Variants in FUT8 observed in about 807,000 individuals in gnomAD.
FUT8 encodes fucosyltransferase 8.
A neutral mutation model predicts 71.3 loss-of-function variants in FUT8; 29 were observed. The ratio of observed to expected loss-of-function variants is 0.41; its 90% confidence interval spans 0.30 to 0.55. FUT8 has a LOEUF of 0.55. Among genes scored for constraint, FUT8 ranks in the 20% least tolerant of loss-of-function variants. The pLI, the probability that FUT8 is intolerant of heterozygous loss-of-function variation, is 0.34. For synonymous variants in FUT8, 254 were observed against 239.3 expected (o/e 1.06, Z -0.57); for missense variants, 544 against 702.1 (o/e 0.77, Z 2.55).
intron 3 of FUT8, among the ~76,000 whole-genome samples, chr14:65,568,531 A>G (rs1021581713): frequency 2.7e-5 from 4 of 150,528 alleles, no homozygotes; most frequent in Non-Finnish European, 4.4e-5. Context: ...TTTTTTTTCT[A>G]TGACCCATAG....
chr14:65,411,976 T>C (rs1174639295), upstream of FUT8: 3 of 455,288 alleles, frequency 6.6e-6, no homozygotes, highest in Non-Finnish European at 1.3e-5. Context: ...GCGCCGGGAA[T>C]TTTCCGAGTC....
In FUT8 at chr14:65,532,391, A is replaced by G. The variant is rs567282388; in HGVS notation, c.-227-28946A>G. Among the ~76,000 whole-genome samples the G allele has an allele frequency of 2.0e-5, 3 of 152,030 alleles. No homozygotes were observed. The East Asian group carries it at 5.8e-4, about 29-fold the overall frequency. ...TGATTAGTGATGTTGAGTGTTGATCAATGTTGGGCTTTTTTTCATATACTT... is the reference window on the plus strand; with the variant it reads ...TGATTAGTGATGTTGAGTGTTGATCGATGTTGGGCTTTTTTTCATATACTT... On this transcript the variant is annotated intron_variant, in intron 2 of 10. Coordinates refer to ENST00000673929, the MANE Select transcript of FUT8 (RefSeq NM_001371533.1).
intron 2 of FUT8, among the ~76,000 whole-genome samples, chr14:65,520,496 A>C (rs1387207127): frequency 3.3e-5 from 5 of 152,158 alleles, no homozygotes; most frequent in Non-Finnish European, 7.4e-5. Flanking sequence ...CTATTTTCTT[A>C]ATTTATTTCA....
Position 65,633,009 on chromosome 14 carries a change from C to CG in FUT8, c.597+3403_597+3404insG, listed in dbSNP as rs1318008407. The stretch of plus-strand genomic sequence containing the variant: ...CTCCCCTCTCCCCTCTCCCCTCCCC[C>CG]CCCCCGTCTCCCCAGGGTCTCCCTC... On this transcript the variant is annotated intron_variant, in intron 6 of 10. Transcript: ENST00000673929. Among the ~76,000 whole-genome samples the CG allele has an allele frequency of 2.7e-5, 4 of 145,878 alleles. No individual in the cohort carries two copies. The South Asian group carries it at 8.9e-4, about 32-fold the overall frequency.
intron 2 of FUT8, among the ~76,000 whole-genome samples, chr14:65,485,476 G>C (rs1186615637): frequency 1.3e-5 from 2 of 152,180 alleles, no homozygotes; most frequent in East Asian, 3.8e-4. Flanking sequence ...ACTGAGGCAA[G>C]ACCTTCTTAA....
At chr14:65,572,724 G>A (rs1172665582) in intron 3 of FUT8, among the ~76,000 whole-genome samples, 2 of 152,138 alleles carry the variant, frequency 1.3e-5, no homozygotes, top group African/African-American at 4.8e-5. Flanking sequence ...GGGTCATTCT[G>A]TAGTGATAAA....
intron 1 of FUT8, among the ~76,000 whole-genome samples, chr14:65,451,088 C>T (rs1334029230): frequency 6.6e-6 from 1 of 152,100 alleles, no homozygotes; most frequent in Non-Finnish European, 1.5e-5. Flanking sequence ...GATCTCCTGA[C>T]CTCGTGATCC....
At chr14:65,506,737 A>C (rs1014404569) in intron 2 of FUT8, among the ~76,000 whole-genome samples, 2 of 152,226 alleles carry the variant, frequency 1.3e-5, no homozygotes, top group African/African-American at 4.8e-5. Flanking sequence ...ATCATGGACA[A>C]TGCAGTATCC....
chr14:65,444,264 A>G (rs1320798564), intron 1 of FUT8, among the ~76,000 whole-genome samples: 2 of 152,246 alleles, frequency 1.3e-5, no homozygotes, highest in Non-Finnish European at 2.9e-5. Flanking sequence ...CTTACCTATT[A>G]GAAAAGCAAA....
intron 3 of FUT8, among the ~76,000 whole-genome samples, chr14:65,569,376 C>T (rs1197622337): frequency 6.6e-6 from 1 of 151,606 alleles, no homozygotes. Flanking sequence ...TATGGTATCT[C>T]ACATGGCTTT....
rs370341730 is a variant in FUT8 at position 65,721,835 on chromosome 14, C to A, written c.896C>A (p.Pro299His). Residue 299 changes from proline (P) to histidine (H), a missense_variant, in exon 8 of 11, where the codon CCC becomes CAC. Physicochemically the swap from Pro to His is moderately conservative, Grantham distance 77 (BLOSUM62 -2). Coordinates refer to ENST00000673929, the MANE Select transcript of FUT8 (RefSeq NM_001371533.1). ...CTTCCCATTGTAGACAGTCTTCATCCCCGTCCTCCATATTTACCCTTGGCT... is the reference window on the plus strand; with the variant it reads ...CTTCCCATTGTAGACAGTCTTCATCACCGTCCTCCATATTTACCCTTGGCT... ...VELPIVDSLH[P>H]RPPYLPLAVP... 5 of 1,614,056 alleles carry A rather than the reference C, an allele frequency of 3.1e-6. No homozygotes were observed. The South Asian group carries it at 5.5e-5, about 18-fold the overall frequency.
chr14:65,392,207 C>T, the FUT8 span, among the ~76,000 whole-genome samples: 1 of 152,220 alleles, frequency 6.6e-6, no homozygotes, highest in Non-Finnish European at 1.5e-5. Context: ...GCTGGGATTA[C>T]AGGCATGAGC....
rs2066167730 is a variant in FUT8 at position 65,472,724 on chromosome 14, A to G, written c.-228+17006A>G. On this transcript the variant is annotated intron_variant, in intron 2 of 10. Coordinates refer to ENST00000673929, the MANE Select transcript of FUT8 (RefSeq NM_001371533.1). This position sits in a 1 kb window ranked among gnomAD's most constrained non-coding sequence, Gnocchi z 4.4. ...ATGGAACCAATTAATTTGATGACTC[A>G]TTTACATTGAATTTCTTAATTAGTA... 6.6e-6 allele frequency among the ~76,000 whole-genome samples: 1 copy of G among 152,146 alleles called. No individual in the cohort carries two copies. The highest frequency in any genetic ancestry group is 6.5e-5 in the Admixed American group (1 of 15,284).
At chr14:65,716,678 A>G (rs943513607) in intron 7 of FUT8, among the ~76,000 whole-genome samples, 4 of 149,876 alleles carry the variant, frequency 2.7e-5, no homozygotes, top group South Asian at 2.1e-4. Context: ...TTTTCCCCAC[A>G]TTTCCCCCTT....
chr14:65,439,954 G>GTATACGTATATATATATATATATATATA (rs1555360999), intron 1 of FUT8, among the ~76,000 whole-genome samples: 2 of 74,984 alleles, frequency 2.7e-5, no homozygotes, highest in Non-Finnish European at 5.0e-5. Flanking sequence ...GTGTGTGTGT[G>GTATACGTATATATATATATATATATATA]TATATATATA....
chr14:65,541,624 C>T (rs1446427701), intron 2 of FUT8, among the ~76,000 whole-genome samples: 1 of 152,174 alleles, frequency 6.6e-6, no homozygotes, highest in African/African-American at 2.4e-5. Context: ...TGAATGATGC[C>T]TGCTCACATT....
intron 5 of FUT8, 58 bp downstream of exon 5, chr14:65,616,431 G>T: frequency 7.2e-7 from 1 of 1,384,646 alleles, no homozygotes; most frequent in Non-Finnish European, 9.8e-7. Context: ...ATCTAAGAAT[G>T]AGAAACAGAC....
chr14:65,475,719 G>C (rs1438786720), intron 2 of FUT8, among the ~76,000 whole-genome samples: 2 of 151,886 alleles, frequency 1.3e-5, no homozygotes, highest in Non-Finnish European at 2.9e-5. Context: ...ACCATATAGA[G>C]CTCAGGCTCT....
At chr14:65,479,327 A>G (rs138792643) in intron 2 of FUT8, among the ~76,000 whole-genome samples, 1 of 152,332 alleles carries the variant, frequency 6.6e-6, no homozygotes, top group Non-Finnish European at 1.5e-5. Context: ...TGATTTAATT[A>G]TTTTTTAGGT....
Sources: gnomAD v4.1 joint callset for allele counts (sites outside exome capture counted in the v4.1 genomes callset) on GRCh38, gnomAD v4.1.1 for gene constraint, Gnocchi (gnomAD v3.1) non-coding constraint, MANE v1.5 for transcripts, NCBI Gene and HGNC (gene_info 2026-07-23, HGNC 2026-07-21) for gene names.